The following MARVELD1 variants were observed in gnomAD, a reference collection of about 807,000 sequenced individuals.
MARVELD1 encodes the protein MARVEL domain-containing protein 1.
In MARVELD1, 7 loss-of-function variants were observed where a neutral mutation model predicts 11.3. The ratio of observed to expected loss-of-function variants is 0.62; its 90% CI spans 0.35 to 1.16. The LOEUF (loss-of-function observed/expected upper bound fraction) is 1.16, where lower values mean the gene tolerates loss of function less well. MARVELD1 is among the 50% of genes most tolerant of loss of function. The pLI, the probability that MARVELD1 is intolerant of heterozygous loss-of-function variation, is 0.02. For missense variants in MARVELD1, 216 were observed against 243.8 expected, an observed-to-expected ratio of 0.89 and a Z score of 0.76; for synonymous variants, 119 against 121.4, an observed-to-expected ratio of 0.98 and a Z score of 0.13.
chr10:97,714,303 G>T lies in MARVELD1; in HGVS notation c.427G>T (p.Ala143Ser). The change falls in exon 1 of 2, where the codon GCC (alanine) becomes TCC (serine). Residue 143 changes from alanine (A) to serine (S), a missense_variant. By Grantham distance (99) the Ala-to-Ser change is moderately conservative. Transcript: ENST00000285605. This position sits in a 1 kb window ranked among gnomAD's most constrained non-coding sequence, Gnocchi z 7.4. Reference protein sequence around the residue: ...LPCAYHAFLAAAVCGGVCHGL... With the variant: ...LPCAYHAFLASAVCGGVCHGL... ...CTGCGCCTACCACGCCTTCCTGGCG[G>T]CCGCCGTCTGCGGCGGCGTCTGCCA... 6.5e-7 allele frequency: 1 copy of T among 1,536,154 alleles called. No homozygotes were observed. The highest frequency in any genetic ancestry group is 8.7e-7 in the Non-Finnish European group (1 of 1,146,670).
Position 97,713,903 on chromosome 10 carries a change from G to A in MARVELD1, c.27G>A (p.Pro9=), listed in dbSNP as rs961308917. The A allele has an allele frequency of 2.5e-5, 27 of 1,069,112 alleles. No individual in the cohort carries two copies. The East Asian group carries it at 1.5e-3, about 60-fold the overall frequency. 66.2% of individuals were successfully genotyped at this position (1,069,112 alleles called of 1,614,324 possible). The change falls in exon 1 of 2, where the codon CCG becomes CCA. Residue 9 remains proline, a synonymous_variant. Transcript: ENST00000285605. This position sits in a 1 kb window ranked among gnomAD's most constrained non-coding sequence, Gnocchi z 5.7. The part of the protein sequence containing the change: MLPPPPRQ[P]PPQARAARGA... ...TGCTCCCGCCGCCCCCGCGCCAGCC[G>A]CCGCCCCAGGCGCGTGCGGCCCGCG...
chr10:97,713,985 C>T lies in MARVELD1; in HGVS notation c.109C>T (p.Leu37=). 6.5e-7 allele frequency: 1 copy of T among 1,535,018 alleles called. No individual in the cohort carries two copies. The highest frequency in any genetic ancestry group is 1.2e-5 in the South Asian group (1 of 83,970). ...LRSPLGVLRL[L]QLLAGAAFWI... ...CAGCCCGCTGGGCGTGTTGCGGCTG[C>T]TGCAGCTGCTGGCCGGCGCTGCCTT... Residue 37 remains leucine, a synonymous_variant, in exon 1 of 2, where the codon CTG becomes TTG. Transcript: ENST00000285605. This position sits in a 1 kb window ranked among gnomAD's most constrained non-coding sequence, Gnocchi z 5.7.
chr10:97,717,173 A>C (rs930841245), intron 1 of MARVELD1, 21 bp from the exon 2 acceptor site: 6 of 152,060 alleles, frequency 3.9e-5, no homozygotes, highest in Non-Finnish European at 8.8e-5. Context: ...AAGCCCTTTG[A>C]CTTTGGTTCT....
rs2041895011 is a variant in MARVELD1 at position 97,714,314 on chromosome 10, C to T, written c.438C>T (p.Cys146=). 6.5e-7 allele frequency: 1 copy of T among 1,536,004 alleles called. No homozygotes were observed. Among genetic ancestry groups the T allele is most frequent in the Non-Finnish European group, 8.7e-7 (1 of 1,146,646 alleles). The change falls in exon 1 of 2, where the codon TGC becomes TGT. Residue 146 remains cysteine (C), a synonymous_variant. Coordinates refer to ENST00000285605, the MANE Select transcript of MARVELD1 (RefSeq NM_031484.4). The surrounding 1 kb of genome is among the most constrained non-coding windows in gnomAD (Gnocchi z 7.4). ...ACGCCTTCCTGGCGGCCGCCGTCTG[C>T]GGCGGCGTCTGCCACGGCCTCTACC... ...AYHAFLAAAV[C]GGVCHGLYLL...
Position 97,717,977 on chromosome 10 carries a change from C to A in MARVELD1, c.*2371C>A, listed in dbSNP as rs2041923376. The A allele has an allele frequency of 1.3e-5, 2 of 152,354 alleles. No individual in the cohort carries two copies. The highest frequency in any genetic ancestry group is 2.1e-4 in the South Asian group (1 of 4,838). The allele number at this position is 152,354 out of a possible 1,614,324, so 9.4% of individuals were successfully genotyped here. ...TACTCTGGGCAGCTCCCATCCCAGT[C>A]TGGGGCCATTTGCAGACTCAGGAAA... On this transcript the variant is annotated 3_prime_UTR_variant, in exon 2 of 2. Coordinates refer to ENST00000285605, the MANE Select transcript of MARVELD1 (RefSeq NM_031484.4).
chr10:97,714,594 C>A lies in MARVELD1; in HGVS notation c.*196C>A. ...GCCCGACGGCAGCGCCGCCGCCGCC[C>A]AGAATCCCAGCCCAGAATCCCGACC... is the stretch of plus-strand genomic sequence containing the variant. On this transcript the variant is annotated 3_prime_UTR_variant, in exon 1 of 2. Transcript: ENST00000285605. This position sits in a 1 kb window ranked among gnomAD's most constrained non-coding sequence, Gnocchi z 7.4. 2.0e-6 allele frequency: 1 copy of A among 493,068 alleles called. No homozygotes were observed. Among genetic ancestry groups the A allele is most frequent in the South Asian group, 3.5e-5 (1 of 28,756 alleles). The allele number at this position is 493,068 out of a possible 1,614,324, so 30.5% of individuals were successfully genotyped here.
At chr10:97,716,409 C>G (rs2041912681) in intron 1 of MARVELD1, among the ~76,000 whole-genome samples, 1 of 152,124 alleles carries the variant, frequency 6.6e-6, no homozygotes, top group Non-Finnish European at 1.5e-5. Flanking sequence ...GTCTCGAACT[C>G]CTGGGCTCAA....
In MARVELD1 at chr10:97,714,017, C is replaced by T; in HGVS notation, c.141C>T (p.Ile47=). The T allele has an allele frequency of 6.5e-7, 1 of 1,536,452 alleles. No individual in the cohort carries two copies. The highest frequency in any genetic ancestry group is 8.7e-7 in the Non-Finnish European group (1 of 1,146,558). Reference sequence around the variant, plus strand: ...TGCTGGCCGGCGCTGCCTTCTGGATCACTATCGCCACCAGCAAGTACCAGG... The same window carrying T: ...TGCTGGCCGGCGCTGCCTTCTGGATTACTATCGCCACCAGCAAGTACCAGG... ...LQLLAGAAFW[I]TIATSKYQGP... The change falls in exon 1 of 2, where the codon ATC becomes ATT. Residue 47 remains isoleucine (I), a synonymous_variant. Coordinates refer to ENST00000285605, the MANE Select transcript of MARVELD1 (RefSeq NM_031484.4). The surrounding 1 kb of genome is among the most constrained non-coding windows in gnomAD (Gnocchi z 7.4).
Position 97,714,410 on chromosome 10 carries a change from C to G in MARVELD1, c.*12C>G, listed in dbSNP as rs1477683409. 12 of 1,479,852 alleles carry G rather than the reference C, an allele frequency of 8.1e-6. No individual in the cohort carries two copies. Among genetic ancestry groups the G allele is most frequent in the Non-Finnish European group, 1.1e-5 (12 of 1,122,890 alleles). The allele number at this position is 1,479,852 out of a possible 1,614,324, so 91.7% of individuals were successfully genotyped here. A position where few individuals can be genotyped will look rare whatever the true frequency, so the allele number is the denominator to read the frequency against. On this transcript the variant is annotated 3_prime_UTR_variant, in exon 1 of 2. Coordinates refer to ENST00000285605, the MANE Select transcript of MARVELD1 (RefSeq NM_031484.4). The surrounding 1 kb of genome is among the most constrained non-coding windows in gnomAD (Gnocchi z 7.4). ...AGGAGGTGGCGTGAGGCCGCCCGCG[C>G]CCGCCGCGGCCCCGATCGGGGCGGG...
chr10:97,717,442 C>G lies in MARVELD1; in HGVS notation c.*1836C>G, dbSNP rs1464965707. 1 of 152,226 alleles carries G rather than the reference C, an allele frequency of 6.6e-6. No homozygotes were observed. Among genetic ancestry groups the G allele is most frequent in the East Asian group, 1.9e-4 (1 of 5,192 alleles). The allele number at this position is 152,226 out of a possible 1,614,324, so 9.4% of individuals were successfully genotyped here. On this transcript the variant is annotated 3_prime_UTR_variant, in exon 2 of 2. Coordinates refer to ENST00000285605, the MANE Select transcript of MARVELD1 (RefSeq NM_031484.4). ...GCCTTAACTCAAGAGAATTCCTGTT[C>G]TCCTTGTGCTATGATTTGGACACAA...
At position 97,714,076 on chromosome 10, in the gene MARVELD1, T is replaced by C. The variant is rs934207175; in HGVS notation, c.200T>C (p.Leu67Pro). 6.5e-6 allele frequency: 10 copies of C among 1,536,792 alleles called. No homozygotes were observed. The highest frequency in any genetic ancestry group is 1.2e-5 in the South Asian group (1 of 84,068). ...PVHFALFVSV[L>P]FWLLTLGLYF... ...CACTTCGCGCTCTTCGTGTCCGTGC[T>C]CTTCTGGCTGCTCACCCTGGGCCTC... The change falls in exon 1 of 2, where the codon CTC (leucine) becomes CCC (proline). Residue 67 changes from leucine (L) to proline (P), a missense_variant. Leu to Pro is a moderately conservative substitution (Grantham distance 98). Transcript: ENST00000285605. This position sits in a 1 kb window ranked among gnomAD's most constrained non-coding sequence, Gnocchi z 7.4.
chr10:97,715,816 T>A lies in MARVELD1; in HGVS notation c.*1418T>A, dbSNP rs761505769. The A allele has an allele frequency of 6.6e-5, 10 of 152,230 alleles. No individual in the cohort carries two copies. Among genetic ancestry groups the A allele is most frequent in the Non-Finnish European group, 1.5e-4 (10 of 68,046 alleles). 9.4% of individuals were successfully genotyped at this position (152,230 alleles called of 1,614,324 possible). The stretch of plus-strand genomic sequence containing the variant: ...TGGGGAATTTGAACATTCCTTTACA[T>A]TGTTGGAGAAATGAAGCCAAAGTTA... On this transcript the variant is annotated 3_prime_UTR_variant, in exon 1 of 2. Coordinates refer to ENST00000285605, the MANE Select transcript of MARVELD1 (RefSeq NM_031484.4).
Position 97,713,894 on chromosome 10 carries a change from GCGCCAGCCGCCGCCC to G in MARVELD1, c.20_34del (p.Arg7_Pro11del). The G allele has an allele frequency of 1.0e-6, 1 of 982,080 alleles. No homozygotes were observed. The highest frequency in any genetic ancestry group is 1.2e-6 in the Non-Finnish European group (1 of 813,896). The allele number at this position is 982,080 out of a possible 1,614,324, so 60.8% of individuals were successfully genotyped here. ...CAGGGGCCATGCTCCCGCCGCCCCC[GCGCCAGCCGCCGCCC>G]CAGGCGCGTGCGGCCCGCGGCGCGG... is the stretch of plus-strand genomic sequence containing the variant. On this transcript the variant is annotated inframe_deletion, in exon 1 of 2. Coordinates refer to ENST00000285605, the MANE Select transcript of MARVELD1 (RefSeq NM_031484.4). This position sits in a 1 kb window ranked among gnomAD's most constrained non-coding sequence, Gnocchi z 5.7.
At position 97,714,133 on chromosome 10, in the gene MARVELD1, T is replaced by A; in HGVS notation, c.257T>A (p.Leu86Gln). The A allele has an allele frequency of 6.5e-7, 1 of 1,536,918 alleles. No homozygotes were observed. The change falls in exon 1 of 2, where the codon CTG becomes CAG. Residue 86 changes from leucine to glutamine, a missense_variant. By Grantham distance (113) the Leu-to-Gln change is moderately radical. Coordinates refer to ENST00000285605, the MANE Select transcript of MARVELD1 (RefSeq NM_031484.4). The surrounding 1 kb of genome is among the most constrained non-coding windows in gnomAD (Gnocchi z 7.4). Reference sequence around the variant, plus strand: ...CTCACGCTGCTGGGCAAGCACGAGCTGGTCCCCGTGCTGGGCTCGCGCTGG... The same window carrying A: ...CTCACGCTGCTGGGCAAGCACGAGCAGGTCCCCGTGCTGGGCTCGCGCTGG... ...YFLTLLGKHE[L>Q]VPVLGSRWLM...
chr10:97,714,231 C>T lies in MARVELD1; in HGVS notation c.355C>T (p.Gln119Ter), dbSNP rs2041894404. 1 of 1,536,846 alleles carries T rather than the reference C, an allele frequency of 6.5e-7. No homozygotes were observed. The highest frequency in any genetic ancestry group is 2.0e-5 in the Admixed American group (1 of 50,984). ...CGCCGCCACCGGCATCATGAGCGAC[C>T]AGATGCAGCGCCACAGCTACTGCAA... Reference protein sequence around the residue: ...YGAATGIMSDQMQRHSYCNLK... With the variant: ...YGAATGIMSD The change falls in exon 1 of 2, where the codon CAG becomes TAG. Residue 119 changes from glutamine (Q) to a stop codon, truncating the protein, a stop_gained. Coordinates refer to ENST00000285605, the MANE Select transcript of MARVELD1 (RefSeq NM_031484.4). LOFTEE classifies it high-confidence loss of function. This position sits in a 1 kb window ranked among gnomAD's most constrained non-coding sequence, Gnocchi z 7.4.
In MARVELD1 at chr10:97,714,260, C is replaced by A. The variant is rs552030454; in HGVS notation, c.384C>A (p.Leu128=). ...TGCAGCGCCACAGCTACTGCAACCT[C>A]AAGGATTACCCGCTCCCCTGCGCCT... ...DQMQRHSYCN[L]KDYPLPCAYH... Residue 128 remains leucine, a synonymous_variant, in exon 1 of 2, where the codon CTC becomes CTA. Transcript: ENST00000285605. This position sits in a 1 kb window ranked among gnomAD's most constrained non-coding sequence, Gnocchi z 7.4. 1 of 1,536,904 alleles carries A rather than the reference C, an allele frequency of 6.5e-7. No homozygotes were observed. Among genetic ancestry groups the A allele is most frequent in the South Asian group, 1.2e-5 (1 of 84,066 alleles).
rs555850463 is a variant in MARVELD1 at position 97,714,355 on chromosome 10, A to G, written c.479A>G (p.Tyr160Cys). 129 of 1,532,296 alleles carry G rather than the reference A, an allele frequency of 8.4e-5. No individual in the cohort carries two copies. Among genetic ancestry groups the G allele is most frequent in the South Asian group, 2.6e-4 (22 of 83,908 alleles). The allele number at this position is 1,532,296 out of a possible 1,614,324, so 94.9% of individuals were successfully genotyped here. ...GGCCTCTACCTGCTTTCGGCGCTCT[A>G]TGGCTGCGGGCGTCGCTGCCAGGGC... Reference protein sequence around the residue: ...CHGLYLLSALYGCGRRCQGKQ... With the variant: ...CHGLYLLSALCGCGRRCQGKQ... Residue 160 changes from tyrosine to cysteine, a missense_variant, in exon 1 of 2, where the codon TAT (tyrosine) becomes TGT (cysteine). By Grantham distance (194) the Tyr-to-Cys change is radical. Coordinates refer to ENST00000285605, the MANE Select transcript of MARVELD1 (RefSeq NM_031484.4). The surrounding 1 kb of genome is among the most constrained non-coding windows in gnomAD (Gnocchi z 7.4).
intron 1 of MARVELD1, 147 bp from the exon 2 acceptor site, chr10:97,717,047 T>A (rs1009354065): frequency 3.9e-5 from 6 of 152,252 alleles, no homozygotes; most frequent in Middle Eastern, 3.2e-3. Context: ...CTAGTCGCAG[T>A]GGCTCATGTC....
Position 97,714,452 on chromosome 10 carries a change from A to G in MARVELD1, c.*54A>G. 7.5e-7 allele frequency: 1 copy of G among 1,332,060 alleles called. No individual in the cohort carries two copies. Among genetic ancestry groups the G allele is most frequent in the Non-Finnish European group, 1.0e-6 (1 of 1,004,006 alleles). The allele number at this position is 1,332,060 out of a possible 1,614,324, so 82.5% of individuals were successfully genotyped here. A position where few individuals can be genotyped will look rare whatever the true frequency, so the allele number is the denominator to read the frequency against. On this transcript the variant is annotated 3_prime_UTR_variant, in exon 1 of 2. Coordinates refer to ENST00000285605, the MANE Select transcript of MARVELD1 (RefSeq NM_031484.4). This position sits in a 1 kb window ranked among gnomAD's most constrained non-coding sequence, Gnocchi z 7.4. ...CGGGGCGGGGGAATCCCCGGAGACC[A>G]GCCTCCTTAATCCCTTCCCCCGCCG...
Sources: allele counts gnomAD v4.1 joint callset (sites outside exome capture counted in the v4.1 genomes callset), GRCh38; gene constraint gnomAD v4.1.1; non-coding constraint Gnocchi (gnomAD v3.1); transcripts MANE v1.5; gene names NCBI Gene and HGNC (gene_info 2026-07-23, HGNC 2026-07-21).